PPARGC1A: variants seen among roughly 807,000 people sequenced by gnomAD.
The protein encoded by PPARGC1A is PPARG coactivator 1 alpha.
In PPARGC1A, 25 loss-of-function variants were observed where a neutral mutation model predicts 88.7. The ratio of observed to expected loss-of-function variants is 0.28; its 90% CI spans 0.21 to 0.39. PPARGC1A has a LOEUF of 0.39. PPARGC1A is among the 10% of genes least tolerant of loss of function. PPARGC1A has a pLI of 1.00. For synonymous variants in PPARGC1A, 363 were observed against 355.6 expected, an observed-to-expected ratio of 1.02 and a Z score of -0.24; for missense variants, 880 against 968.7, an observed-to-expected ratio of 0.91 and a Z score of 1.22.
chr4:23,808,394 C>A (rs536769018), intron 10 of PPARGC1A, among the ~76,000 whole-genome samples: 16 of 152,186 alleles, frequency 1.1e-4, no homozygotes, highest in Middle Eastern at 6.8e-3. Flanking sequence ...GCAGTCATTG[C>A]CGCCTGAGCA....
the PPARGC1A span, among the ~76,000 whole-genome samples, chr4:23,918,251 C>T: frequency 1.3e-4 from 19 of 151,176 alleles, no homozygotes; most frequent in African/African-American, 4.6e-4. Context: ...GGGATGGAGT[C>T]TCCTTCTATT....
At chr4:24,025,224 A>G in the PPARGC1A span, among the ~76,000 whole-genome samples, 2 of 152,138 alleles carry the variant, frequency 1.3e-5, no homozygotes, top group African/African-American at 4.8e-5. Flanking sequence ...GCTCATTGGG[A>G]CGAATTAACA....
chr4:24,133,219 T>G, the PPARGC1A span, among the ~76,000 whole-genome samples: 1 of 152,188 alleles, frequency 6.6e-6, no homozygotes, highest in African/African-American at 2.4e-5. Context: ...AGTTGCAGAC[T>G]TTTATGAACT....
chr4:24,175,120 T>C, the PPARGC1A span, among the ~76,000 whole-genome samples: 8 of 152,190 alleles, frequency 5.3e-5, no homozygotes, highest in Non-Finnish European at 1.2e-4. Flanking sequence ...GCTTCATTGT[T>C]GGGTAAGAAT....
the PPARGC1A span, among the ~76,000 whole-genome samples, chr4:24,224,354 T>C: frequency 6.6e-6 from 1 of 151,768 alleles, no homozygotes; most frequent in Non-Finnish European, 1.5e-5. Flanking sequence ...AGATGGGAAA[T>C]AAAGAGAGCT....
the PPARGC1A span, among the ~76,000 whole-genome samples, chr4:23,966,386 A>G: frequency 6.6e-6 from 1 of 152,338 alleles, no homozygotes; most frequent in East Asian, 1.9e-4. Flanking sequence ...AGACCGAGAA[A>G]CTAGATTTTT....
chr4:23,798,864 C>T (rs953976829), intron 12 of PPARGC1A, among the ~76,000 whole-genome samples: 1 of 152,136 alleles, frequency 6.6e-6, no homozygotes, highest in Non-Finnish European at 1.5e-5. Context: ...TAATCTCTCA[C>T]TCTCATTTAT....
At chr4:23,910,201 AT>A in the PPARGC1A span, among the ~76,000 whole-genome samples, 1 of 116,810 alleles carries the variant, frequency 8.6e-6, no homozygotes, top group Non-Finnish European at 1.7e-5. Context: ...ATATATAAAA[AT>A]TTATACATAT....
chr4:24,253,322 A>G, the PPARGC1A span, among the ~76,000 whole-genome samples: 1 of 152,178 alleles, frequency 6.6e-6, no homozygotes, highest in Non-Finnish European at 1.5e-5. Context: ...TAGGAAGCCT[A>G]TTTAACGTTA....
the PPARGC1A span, among the ~76,000 whole-genome samples, chr4:24,253,669 G>A: frequency 6.6e-6 from 1 of 152,222 alleles, no homozygotes; most frequent in African/African-American, 2.4e-5. Context: ...AAAATTTAAG[G>A]AAGCACTTGT....
At chr4:23,948,408 T>C in the PPARGC1A span, among the ~76,000 whole-genome samples, 2 of 152,190 alleles carry the variant, frequency 1.3e-5, no homozygotes, top group Non-Finnish European at 2.9e-5. Flanking sequence ...CTTCCTGTCA[T>C]AGATGCTTGA....
At chr4:23,996,685 C>T in the PPARGC1A span, among the ~76,000 whole-genome samples, 3 of 152,198 alleles carry the variant, frequency 2.0e-5, no homozygotes, top group Non-Finnish European at 4.4e-5. Context: ...TTAGGCCAAA[C>T]GTCAGCAAAC....
At chr4:24,395,614 GA>G in the PPARGC1A span, among the ~76,000 whole-genome samples, 2 of 152,184 alleles carry the variant, frequency 1.3e-5, no homozygotes, top group Non-Finnish European at 2.9e-5. Flanking sequence ...GTGGAAATAG[GA>G]AGCTGTTCTT....
the PPARGC1A span, among the ~76,000 whole-genome samples, chr4:24,243,900 T>A: frequency 1.3e-5 from 2 of 152,204 alleles, no homozygotes; most frequent in African/African-American, 4.8e-5. Context: ...CATTCCTGAA[T>A]AAGGAAAGTG....
the PPARGC1A span, among the ~76,000 whole-genome samples, chr4:24,255,479 G>A: frequency 6.6e-6 from 1 of 152,176 alleles, no homozygotes; most frequent in Non-Finnish European, 1.5e-5. Context: ...TGAAAGCATT[G>A]CAAGTAATAG....
chr4:23,990,317 T>C, the PPARGC1A span, among the ~76,000 whole-genome samples: 1 of 151,418 alleles, frequency 6.6e-6, no homozygotes, highest in African/African-American at 2.4e-5. Flanking sequence ...TAATAGTAAA[T>C]TTTGTCATGC....
At chr4:24,361,811 A>G in the PPARGC1A span, among the ~76,000 whole-genome samples, 1 of 152,246 alleles carries the variant, frequency 6.6e-6, no homozygotes, top group Non-Finnish European at 1.5e-5. Context: ...CTGCATGATC[A>G]GCTACAGAAA....
the PPARGC1A span, among the ~76,000 whole-genome samples, chr4:24,155,705 A>G: frequency 6.6e-6 from 1 of 152,202 alleles, no homozygotes; most frequent in Non-Finnish European, 1.5e-5. Flanking sequence ...ACACTGAGGC[A>G]AGTATGACCT....
At chr4:24,459,861 T>A in the PPARGC1A span, among the ~76,000 whole-genome samples, 9 of 152,196 alleles carry the variant, frequency 5.9e-5, no homozygotes, top group Non-Finnish European at 1.3e-4. Context: ...AAATAACTAA[T>A]AACAACAATT....
Sources: gnomAD v4.1 joint callset for allele counts (sites outside exome capture counted in the v4.1 genomes callset) on GRCh38, gnomAD v4.1.1 for gene constraint, MANE v1.5 for transcripts, NCBI Gene and HGNC (gene_info 2026-07-23, HGNC 2026-07-21) for gene names.